KIF13A: variants seen among roughly 807,000 people sequenced by gnomAD.
KIF13A encodes the protein kinesin-like protein KIF13A.
In KIF13A, 79 loss-of-function variants were observed where a neutral mutation model predicts 212.2. The ratio of observed to expected loss-of-function variants is 0.37; its 90% CI spans 0.31 to 0.45. KIF13A has a LOEUF of 0.45. Among genes scored for constraint, KIF13A ranks in the 20% least tolerant of loss-of-function variants. The pLI, the probability that KIF13A is intolerant of heterozygous loss-of-function variation, is 1.00. For missense variants in KIF13A, 1,901 were observed against 2,209.0 expected (o/e 0.86, Z 2.79); for synonymous variants, 789 against 808.6 (o/e 0.98, Z 0.41).
At chr6:17,851,360 G>C (rs1240959221) in intron 7 of KIF13A, among the ~76,000 whole-genome samples, 1 of 152,180 alleles carries the variant, frequency 6.6e-6, no homozygotes, top group African/African-American at 2.4e-5. Context: ...GCAGGGATTT[G>C]CTTGTTTCTC....
chr6:17,897,782 T>C lies in KIF13A; in HGVS notation c.159+386A>G, dbSNP rs994730415. Among the ~76,000 whole-genome samples the C allele has an allele frequency of 4.6e-5, 7 of 152,214 alleles. No individual in the cohort carries two copies. Among genetic ancestry groups the C allele is most frequent in the South Asian group, 2.1e-4 (1 of 4,832 alleles). On this transcript the variant is annotated intron_variant, in intron 3 of 38. Transcript: ENST00000259711. This position sits in a 1 kb window ranked among gnomAD's most constrained non-coding sequence, Gnocchi z 4.8. ...CAACTGCCATCCTATGATCTTACCA[T>C]AGTTGTTCCTCCACATTCTAGGCTG... is the stretch of plus-strand genomic sequence containing the variant.
Position 17,808,783 on chromosome 6 carries a change from G to T in KIF13A, c.2148C>A (p.Leu716=). The change falls in exon 18 of 39, where the codon CTC becomes CTA. Residue 716 remains leucine, a synonymous_variant. Transcript: ENST00000259711. ...ACATTCTTACCTTCCTATTGGCACT[G>T]AGGTTTGCAGCAGGGATCTGAAGAG... is the stretch of plus-strand genomic sequence containing the variant. ...QVTLQIPAAN[L]SANRKRGAIV... 1 of 1,613,096 alleles carries T rather than the reference G, an allele frequency of 6.2e-7. No individual in the cohort carries two copies.
At chr6:17,960,998 A>C (rs946396275) in intron 2 of KIF13A, among the ~76,000 whole-genome samples, 4 of 152,252 alleles carry the variant, frequency 2.6e-5, no homozygotes, top group African/African-American at 9.6e-5. Flanking sequence ...AGCATCTTTC[A>C]GTTCAAAAAA....
intron 4 of KIF13A, among the ~76,000 whole-genome samples, chr6:17,862,767 T>TG (rs1236318108): frequency 6.6e-6 from 1 of 151,960 alleles, no homozygotes; most frequent in African/African-American, 2.4e-5. Context: ...GCTAACATGG[T>TG]GAAATCCCAT....
rs1214752569 is a variant in KIF13A, at chr6:17,963,404, GC to G, written c.146+23649del. 1.3e-5 allele frequency among the ~76,000 whole-genome samples: 2 copies of G among 151,978 alleles called. No individual in the cohort carries two copies. The highest frequency in any genetic ancestry group is 3.9e-4 in the East Asian group (2 of 5,190). On this transcript the variant is annotated intron_variant, in intron 2 of 38. Coordinates refer to ENST00000259711, the MANE Select transcript of KIF13A (RefSeq NM_022113.6). The surrounding 1 kb of genome is among the most constrained non-coding windows in gnomAD (Gnocchi z 4.1). ...TTGCACTCTAGCCTGGGCAACAAGA[GC>G]AAAACTCCAACTCAAAAAAAATAAA... is the stretch of plus-strand genomic sequence containing the variant.
chr6:17,919,123 C>A lies in KIF13A; in HGVS notation c.147-20943G>T, dbSNP rs1251605740. Among the ~76,000 whole-genome samples the A allele has an allele frequency of 2.0e-5, 3 of 152,138 alleles. No individual in the cohort carries two copies. Among genetic ancestry groups the A allele is most frequent in the Admixed American group, 6.5e-5 (1 of 15,270 alleles). On this transcript the variant is annotated intron_variant, in intron 2 of 38. Coordinates refer to ENST00000259711, the MANE Select transcript of KIF13A (RefSeq NM_022113.6). The surrounding 1 kb of genome is among the most constrained non-coding windows in gnomAD (Gnocchi z 4.1). ...AATGGTGATGTTTCCCTGAATAACT[C>A]CACTCTTTGGATTGAAGACCAAGTA... is the stretch of plus-strand genomic sequence containing the variant.
chr6:17,882,565 A>C (rs1042886343), intron 3 of KIF13A, among the ~76,000 whole-genome samples: 5 of 151,092 alleles, frequency 3.3e-5, no homozygotes, highest in African/African-American at 9.7e-5. Context: ...CTCCTTTATA[A>C]ATTTTTTTTT....
intron 2 of KIF13A, among the ~76,000 whole-genome samples, chr6:17,966,603 A>T (rs1201046468): frequency 6.6e-6 from 1 of 152,058 alleles, no homozygotes; most frequent in East Asian, 1.9e-4. Flanking sequence ...TCCTAGATCT[A>T]ATCCCAACAC....
chr6:17,819,684 T>C (rs1415897358), intron 16 of KIF13A, among the ~76,000 whole-genome samples: 1 of 152,202 alleles, frequency 6.6e-6, no homozygotes, highest in Non-Finnish European at 1.5e-5. Context: ...ACAACCTATG[T>C]ATTCCTAAGC....
In KIF13A at chr6:17,769,787, C is replaced by T. The variant is rs1759328003; in HGVS notation, c.4581+1327G>A. On this transcript the variant is annotated intron_variant, in intron 38 of 38. Coordinates refer to ENST00000259711, the MANE Select transcript of KIF13A (RefSeq NM_022113.6). This position sits in a 1 kb window ranked among gnomAD's most constrained non-coding sequence, Gnocchi z 5.8. ...AGTCATTTGGCCTTTTTAGCCCACA[C>T]TGCAGCCCTTATTAATTGAGCAGAG... is the stretch of plus-strand genomic sequence containing the variant. Among the ~76,000 whole-genome samples the T allele has an allele frequency of 6.6e-6, 1 of 152,150 alleles. No homozygotes were observed. Among genetic ancestry groups the T allele is most frequent in the African/African-American group, 2.4e-5 (1 of 41,426 alleles).
chr6:17,880,709 A>T (rs1581621195), intron 3 of KIF13A, among the ~76,000 whole-genome samples: 2 of 150,414 alleles, frequency 1.3e-5, no homozygotes, highest in East Asian at 3.9e-4. Context: ...ATCACAGTTC[A>T]CTGTAACCTC....
chr6:17,849,874 A>G lies in KIF13A; in HGVS notation c.718-385T>C, dbSNP rs1767457871. Among the ~76,000 whole-genome samples the G allele has an allele frequency of 6.6e-6, 1 of 152,254 alleles. No individual in the cohort carries two copies. The highest frequency in any genetic ancestry group is 6.5e-5 in the Admixed American group (1 of 15,284). ...TGTGGTGTCCTCTTTAATATCCCTC[A>G]ATGGCTATGAAGCTGACATGTTTCC... is the stretch of plus-strand genomic sequence containing the variant. On this transcript the variant is annotated intron_variant, in intron 8 of 38. Coordinates refer to ENST00000259711, the MANE Select transcript of KIF13A (RefSeq NM_022113.6). This position sits in a 1 kb window ranked among gnomAD's most constrained non-coding sequence, Gnocchi z 5.7.
Position 17,787,884 on chromosome 6 carries a change from AGGGAGGG to A in KIF13A, c.3262-16_3262-10del. ...CAGTTTAAGTCTTCTTCCTAACATCAGGGAGGGAAAATATTTTCCTGTAGACTGCACA... is the reference window on the plus strand; with the variant it reads ...CAGTTTAAGTCTTCTTCCTAACATCAAAAATATTTTCCTGTAGACTGCACA... On this transcript the variant is annotated splice_polypyrimidine_tract_variant and intron_variant, in intron 26 of 38. Transcript: ENST00000259711. The surrounding 1 kb of genome is among the most constrained non-coding windows in gnomAD (Gnocchi z 4.6). 6.6e-7 allele frequency: 1 copy of A among 1,522,366 alleles called. No homozygotes were observed. Among genetic ancestry groups the A allele is most frequent in the Non-Finnish European group, 9.1e-7 (1 of 1,096,892 alleles). 94.3% of individuals were successfully genotyped at this position (1,522,366 alleles called of 1,614,324 possible). A position where few individuals can be genotyped will look rare whatever the true frequency, so the allele number is the denominator to read the frequency against.
chr6:17,851,734 T>C (rs1006820496), intron 7 of KIF13A, among the ~76,000 whole-genome samples: 11 of 152,248 alleles, frequency 7.2e-5, no homozygotes, highest in Non-Finnish European at 1.6e-4. Flanking sequence ...CTGAAAACAC[T>C]GGGCCTCCCG....
At chr6:17,807,122 T>C (rs1230627801) in intron 18 of KIF13A, among the ~76,000 whole-genome samples, 1 of 152,174 alleles carries the variant, frequency 6.6e-6, no homozygotes, top group East Asian at 1.9e-4. Context: ...GATTATAAAA[T>C]GTGTGTTTGA....
rs2150478661 is a variant in KIF13A at position 17,895,872 on chromosome 6, C to CTAAT, written c.159+2292_159+2295dup. Among the ~76,000 whole-genome samples the CTAAT allele has an allele frequency of 6.6e-6, 1 of 152,278 alleles. No homozygotes were observed. The highest frequency in any genetic ancestry group is 2.1e-4 in the South Asian group (1 of 4,822). Reference sequence around the variant, plus strand: ...GTTGTCCTCAGTGGAAAAGGCAATGCTAATTACCTAGTTTGTCATTTCTGA... The same window carrying CTAAT: ...GTTGTCCTCAGTGGAAAAGGCAATGCTAATTAATTACCTAGTTTGTCATTTCTGA... On this transcript the variant is annotated intron_variant, in intron 3 of 38. Transcript: ENST00000259711. This position sits in a 1 kb window ranked among gnomAD's most constrained non-coding sequence, Gnocchi z 4.4.
chr6:17,945,111 TA>T (rs1777271891), intron 2 of KIF13A, among the ~76,000 whole-genome samples: 1 of 152,152 alleles, frequency 6.6e-6, no homozygotes, highest in Non-Finnish European at 1.5e-5. Context: ...TGTCTCTATT[TA>T]AAAAATTAAA....
At chr6:17,885,600 T>C (rs1771471269) in intron 3 of KIF13A, among the ~76,000 whole-genome samples, 1 of 152,206 alleles carries the variant, frequency 6.6e-6, no homozygotes, top group African/African-American at 2.4e-5. Context: ...CTACTCTGCA[T>C]TGCAGTTCAA....
chr6:17,943,266 C>G (rs574362348), intron 2 of KIF13A, among the ~76,000 whole-genome samples: 1 of 152,260 alleles, frequency 6.6e-6, no homozygotes, highest in South Asian at 2.1e-4. Context: ...GAAAAACAAT[C>G]TGAGTATAGA....
Sources: gnomAD v4.1 joint callset for allele counts (sites outside exome capture counted in the v4.1 genomes callset) on GRCh38, gnomAD v4.1.1 for gene constraint, Gnocchi (gnomAD v3.1) non-coding constraint, MANE v1.5 for transcripts, NCBI Gene and HGNC (gene_info 2026-07-23, HGNC 2026-07-21) for gene names.